The following CACNA2D3 variants were observed in gnomAD, a reference collection of about 807,000 sequenced individuals.
CACNA2D3 encodes the protein calcium voltage-gated channel auxiliary subunit alpha2delta 3.
Under a neutral mutation model 160.6 loss-of-function variants are expected in CACNA2D3, and 60 were observed. The ratio of observed to expected loss-of-function variants is 0.37; its 90% CI spans 0.30 to 0.46. The LOEUF is 0.46. Ranked by LOEUF, CACNA2D3 falls within the 20% of genes least tolerant of loss-of-function variation. The probability of loss-of-function intolerance (pLI) is 1.00; values close to 1 mark genes in which losing one functional copy is unlikely to be tolerated. For synonymous variants in CACNA2D3, 558 were observed against 492.9 expected, an observed-to-expected ratio of 1.13 and a Z score of -1.75; for missense variants, 1,205 against 1,365.0, an observed-to-expected ratio of 0.88 and a Z score of 1.85.
At chr3:54,827,719 C>T (rs1250111241) in intron 14 of CACNA2D3, among the ~76,000 whole-genome samples, 1 of 152,138 alleles carries the variant, frequency 6.6e-6, no homozygotes, top group Admixed American at 6.5e-5. Flanking sequence ...GAGCACTAGC[C>T]CCAGAGTCTT....
chr3:54,453,054 T>C (rs1242164954), intron 4 of CACNA2D3, among the ~76,000 whole-genome samples: 1 of 152,026 alleles, frequency 6.6e-6, no homozygotes, highest in Admixed American at 6.6e-5. Flanking sequence ...TGCAGTGGCA[T>C]GATCACAGCT....
At chr3:54,133,185 G>A (rs928540399) in intron 2 of CACNA2D3, among the ~76,000 whole-genome samples, 1 of 152,096 alleles carries the variant, frequency 6.6e-6, no homozygotes, top group Non-Finnish European at 1.5e-5. Context: ...AATGATGCAG[G>A]CGTTTTTTGT....
At chr3:54,872,953 C>T (rs556838071) in intron 18 of CACNA2D3, among the ~76,000 whole-genome samples, 1 of 152,170 alleles carries the variant, frequency 6.6e-6, no homozygotes, top group Admixed American at 6.5e-5. Context: ...ATGTGCCCAC[C>T]CTGGCTTAGC....
chr3:54,763,894 TGTG>T (rs1367961627), intron 12 of CACNA2D3, among the ~76,000 whole-genome samples: 31 of 2,682 alleles, frequency 0.012, 5 homozygotes, highest in South Asian at 0.036. Context: ...TATATATGTA[TGTG>T]GGGGGGGGGG....
At chr3:54,748,406 T>C (rs1701796276) in intron 11 of CACNA2D3, among the ~76,000 whole-genome samples, 1 of 152,212 alleles carries the variant, frequency 6.6e-6, no homozygotes, top group Non-Finnish European at 1.5e-5. Context: ...GTTTTTTGTT[T>C]GTTCCATTGG....
chr3:54,871,716 A>G (rs879208443), intron 18 of CACNA2D3, 94 bp downstream of exon 18: 1 of 875,602 alleles, frequency 1.1e-6, no homozygotes, highest in East Asian at 2.5e-5. Context: ...CAAGAGGCCC[A>G]CTGAAGGGAC....
rs567856696 is a variant in CACNA2D3, at chr3:54,859,247, A to T, written c.1627-12292A>T. ...AAAGAATGCAAATAAAAATGTTGAG[A>T]CCATGGGCTCTTTGGCACAATAATT... On this transcript the variant is annotated intron_variant, in intron 17 of 37. Transcript: ENST00000474759. 2.0e-5 allele frequency among the ~76,000 whole-genome samples: 3 copies of T among 152,328 alleles called. No individual in the cohort carries two copies. The South Asian group carries it at 6.2e-4, about 32-fold the overall frequency.
At chr3:54,502,005 C>T (rs1701302440) in intron 4 of CACNA2D3, among the ~76,000 whole-genome samples, 1 of 152,154 alleles carries the variant, frequency 6.6e-6, no homozygotes. Context: ...TAATCCTTAT[C>T]CCTGTTCCCC....
chr3:54,664,011 G>C (rs1700020042), intron 11 of CACNA2D3, among the ~76,000 whole-genome samples: 1 of 152,158 alleles, frequency 6.6e-6, no homozygotes, highest in East Asian at 1.9e-4. Context: ...AGCAGGCCCA[G>C]TTCTCACCAG....
At chr3:54,228,978 G>A (rs938535953) in intron 2 of CACNA2D3, among the ~76,000 whole-genome samples, 1 of 152,218 alleles carries the variant, frequency 6.6e-6, no homozygotes, top group Non-Finnish European at 1.5e-5. Context: ...AGGGCGCTGG[G>A]TATCTCCCGT....
At chr3:54,452,288 A>G (rs944275790) in intron 4 of CACNA2D3, among the ~76,000 whole-genome samples, 4 of 152,190 alleles carry the variant, frequency 2.6e-5, no homozygotes, top group Non-Finnish European at 5.9e-5. Flanking sequence ...TTATAAAACC[A>G]TCAGATCTCA....
chr3:54,821,987 C>A (rs146311704), intron 14 of CACNA2D3, among the ~76,000 whole-genome samples: 1,759 of 152,190 alleles, frequency 0.012, 39 homozygotes, highest in African/African-American at 0.04. Flanking sequence ...AGTTATATAA[C>A]CATCTAAACT....
chr3:54,463,412 G>A (rs1266113881), intron 4 of CACNA2D3, among the ~76,000 whole-genome samples: 2 of 151,846 alleles, frequency 1.3e-5, no homozygotes, highest in Admixed American at 6.6e-5. Context: ...TTCAGGTACA[G>A]CAATCACGTA....
At position 54,896,864 on chromosome 3, in the gene CACNA2D3, A is replaced by G. The variant is rs1346279972; in HGVS notation, c.2362A>G (p.Ser788Gly). ...GAGCTTCGTCTACTCGATCCCATTCAGCACTGGTGGGTGCCCTTGTTGGAG... is the reference window on the plus strand; with the variant it reads ...GAGCTTCGTCTACTCGATCCCATTCGGCACTGGTGGGTGCCCTTGTTGGAG... ...PGSFVYSIPF[S>G]TGPVNKSNVV... Residue 788 changes from serine to glycine, a missense_variant, in exon 26 of 38, where the codon AGC becomes GGC. By Grantham distance (56) the Ser-to-Gly change is moderately conservative (BLOSUM62 0). Coordinates refer to ENST00000474759, the MANE Select transcript of CACNA2D3 (RefSeq NM_018398.3). The G allele has an allele frequency of 6.2e-7, 1 of 1,613,950 alleles. No individual in the cohort carries two copies. Among genetic ancestry groups the G allele is most frequent in the Non-Finnish European group, 8.5e-7 (1 of 1,179,856 alleles).
chr3:54,486,128 G>T (rs1322064058), intron 4 of CACNA2D3, among the ~76,000 whole-genome samples: 2 of 152,222 alleles, frequency 1.3e-5, no homozygotes, highest in South Asian at 2.1e-4. Flanking sequence ...AAGAAAGCCA[G>T]ACTGTAAAGA....
chr3:54,243,656 C>CA (rs1702014479), intron 2 of CACNA2D3, among the ~76,000 whole-genome samples: 1 of 152,130 alleles, frequency 6.6e-6, no homozygotes, highest in Admixed American at 6.5e-5. Flanking sequence ...CGAAACAAAA[C>CA]AAAATGTCCC....
intron 13 of CACNA2D3, among the ~76,000 whole-genome samples, chr3:54,766,178 C>G (rs1048644978): frequency 2.0e-5 from 3 of 151,886 alleles, no homozygotes; most frequent in African/African-American, 7.3e-5. Context: ...ACATCATAAG[C>G]AAAGCCAAAA....
intron 11 of CACNA2D3, among the ~76,000 whole-genome samples, chr3:54,713,181 G>T (rs1160205783): frequency 6.6e-6 from 1 of 152,186 alleles, no homozygotes; most frequent in Non-Finnish European, 1.5e-5. Flanking sequence ...GCTATTGGGA[G>T]TTCTGTCTTG....
At chr3:54,249,718 G>T (rs1384137325) in intron 2 of CACNA2D3, among the ~76,000 whole-genome samples, 1 of 148,462 alleles carries the variant, frequency 6.7e-6, no homozygotes, top group Non-Finnish European at 1.5e-5. Context: ...TATTGGTTCT[G>T]GTTCAACCGT....
Sources: allele counts gnomAD v4.1 joint callset (sites outside exome capture counted in the v4.1 genomes callset), GRCh38; gene constraint gnomAD v4.1.1; transcripts MANE v1.5; gene names NCBI Gene and HGNC (gene_info 2026-07-23, HGNC 2026-07-21).